Variants in ZNF397 observed in about 807,000 individuals in gnomAD.
ZNF397 encodes the protein zinc finger and SCAN domain-containing protein 15.
Under a neutral mutation model 50.6 loss-of-function variants are expected in ZNF397, and 38 were observed. The ratio of observed to expected loss-of-function variants is 0.75; its 90% CI spans 0.58 to 0.98. The LOEUF (loss-of-function observed/expected upper bound fraction) is 0.98, where lower values mean the gene tolerates loss of function less well. ZNF397 is among the 50% of genes least tolerant of loss of function. The pLI, the probability that ZNF397 is intolerant of heterozygous loss-of-function variation, is 0.00. For missense variants in ZNF397, 624 were observed against 624.1 expected (o/e 1.00, Z 0.00); for synonymous variants, 228 against 215.2 (o/e 1.06, Z -0.52).
At chr18:35,242,281 C>T (rs1312372336) in intron 1 of ZNF397, 110 bp from the exon 2 acceptor site, 1 of 512,190 alleles carries the variant, frequency 2.0e-6, no homozygotes, top group Admixed American at 3.6e-5. Context: ...TTAGTGATAG[C>T]CCCAAATCTA....
chr18:35,242,629 C>T lies in ZNF397; in HGVS notation c.159C>T (p.Phe53=). ...QSCQELFRQQ[F]RKFCYQETPG... is the part of the protein sequence containing the mutation. ...GCCAAGAATTGTTTCGTCAGCAATT[C>T]AGAAAATTTTGCTACCAGGAGACAC... The change falls in exon 2 of 4, where the codon TTC becomes TTT. Residue 53 remains phenylalanine, a synonymous_variant. Coordinates refer to ENST00000330501, the MANE Select transcript of ZNF397 (RefSeq NM_001135178.3). 6.2e-7 allele frequency: 1 copy of T among 1,614,226 alleles called. No individual in the cohort carries two copies. Among genetic ancestry groups the T allele is most frequent in the Non-Finnish European group, 8.5e-7 (1 of 1,180,042 alleles).
chr18:35,241,655 T>A (rs1043642987), intron 1 of ZNF397: 2 of 152,258 alleles, frequency 1.3e-5, no homozygotes, highest in Non-Finnish European at 2.9e-5. Flanking sequence ...TTGCTGCTTT[T>A]GTGTATGTGA....
chr18:35,244,592 C>T lies in ZNF397; in HGVS notation c.557-670C>T, dbSNP rs193128065. 1.8e-4 allele frequency among the ~76,000 whole-genome samples: 28 copies of T among 152,226 alleles called. No homozygotes were observed. The East Asian group carries it at 5.0e-3, about 27-fold the overall frequency. The stretch of plus-strand genomic sequence containing the variant: ...ATTTACCCTAGAATCTAAGAAGGAA[C>T]AGCCACAGAAATCAGGCTAATATCA... On this transcript the variant is annotated intron_variant, in intron 3 of 3. Coordinates refer to ENST00000330501, the MANE Select transcript of ZNF397 (RefSeq NM_001135178.3).
chr18:35,245,259 C>T lies in ZNF397; in HGVS notation c.557-3C>T. 6.3e-7 allele frequency: 1 copy of T among 1,580,976 alleles called. No homozygotes were observed. Among genetic ancestry groups the T allele is most frequent in the Non-Finnish European group, 8.6e-7 (1 of 1,162,700 alleles). ...TCTGTTTTTTTGCTACTTATTGTTTCAGATTGTGAGAACAGTGAAACAGCA... is the reference window on the plus strand; with the variant it reads ...TCTGTTTTTTTGCTACTTATTGTTTTAGATTGTGAGAACAGTGAAACAGCA... On this transcript the variant is annotated splice_region_variant and splice_polypyrimidine_tract_variant and intron_variant, in intron 3 of 3. Transcript: ENST00000330501.
In ZNF397 at chr18:35,249,744, CAAT is replaced by C. The variant is rs1297491735; in HGVS notation, c.*3436_*3438del. The C allele has an allele frequency of 7.8e-6, 1 of 128,466 alleles. No individual in the cohort carries two copies. Among genetic ancestry groups the C allele is most frequent in the Non-Finnish European group, 1.7e-5 (1 of 60,562 alleles). 8.0% of individuals were successfully genotyped at this position (128,466 alleles called of 1,614,324 possible). A position where few individuals can be genotyped will look rare whatever the true frequency, so the allele number is the denominator to read the frequency against. On this transcript the variant is annotated 3_prime_UTR_variant, in exon 4 of 4. Transcript: ENST00000330501. ...ATTGTTAAGTAAAAATATTACAAAACAATATGTACAGTATGATCCTATGTAAAA... is the reference window on the plus strand; with the variant it reads ...ATTGTTAAGTAAAAATATTACAAAACATGTACAGTATGATCCTATGTAAAA...
At chr18:35,250,234 C>T (rs866135993), downstream of ZNF397, among the ~76,000 whole-genome samples, 1 of 152,268 alleles carries the variant, frequency 6.6e-6, no homozygotes, top group Middle Eastern at 3.4e-3. Context: ...TAGCCATAAG[C>T]AAGTCATCTT....
At position 35,245,220 on chromosome 18, in the gene ZNF397, A is replaced by G. The variant is rs187576324; in HGVS notation, c.557-42A>G. 90 of 1,516,040 alleles carry G rather than the reference A, an allele frequency of 5.9e-5. 1 individual carries two copies. In the Admixed American group the frequency reaches 9.7e-4, roughly 16 times the overall value. 93.9% of individuals were successfully genotyped at this position (1,516,040 alleles called of 1,614,324 possible). ...CATGTAGAAAGTTTTGACGGTGACAAGAGAAATGTAATATCTGTTTTTTTG... is the reference window on the plus strand; with the variant it reads ...CATGTAGAAAGTTTTGACGGTGACAGGAGAAATGTAATATCTGTTTTTTTG... On this transcript the variant is annotated intron_variant, in intron 3 of 3. Transcript: ENST00000330501.
exon 6 of ZNF397, chr18:35,257,946 A>G (rs772865643): frequency 2.6e-5 from 20 of 780,922 alleles, no homozygotes; most frequent in Admixed American, 1.9e-4. Flanking sequence ...TGAAGAACAC[A>G]TCGTCAATAA....
Position 35,246,837 on chromosome 18 carries a change from T to A in ZNF397, c.*527T>A. On this transcript the variant is annotated 3_prime_UTR_variant, in exon 4 of 4. Transcript: ENST00000330501. The stretch of plus-strand genomic sequence containing the variant: ...ATTAGATAGGCATGAGAAGAAAGAA[T>A]ATAATTTACCCAAAGGTTATTTTTT... The A allele has an allele frequency of 1.0e-6, 1 of 985,666 alleles. No individual in the cohort carries two copies. Among genetic ancestry groups the A allele is most frequent in the Middle Eastern group, 5.2e-4 (1 of 1,912 alleles). The allele number at this position is 985,666 out of a possible 1,614,324, so 61.1% of individuals were successfully genotyped here. A position where few individuals can be genotyped will look rare whatever the true frequency, so the allele number is the denominator to read the frequency against.
At chr18:35,250,524 A>AGGCG (rs145184871), downstream of ZNF397, among the ~76,000 whole-genome samples, 1 of 2,508 alleles carries the variant, frequency 4.0e-4, no homozygotes, top group African/African-American at 1.3e-3. Flanking sequence ...TGTGCAATTT[A>AGGCG]GTGTACTTAA....
rs1188556231 is a variant in ZNF397, at chr18:35,245,391, C to T, written c.686C>T (p.Ala229Val). ...ESNLVWKQGS[A>V]TGEKLRSPSQ... ...AATTTAGTGTGGAAGCAAGGAAGTG[C>T]TACAGGGGAGAAACTAAGATCTCCT... is the stretch of plus-strand genomic sequence containing the variant. Residue 229 changes from alanine (A) to valine (V), a missense_variant, in exon 4 of 4, where the codon GCT (alanine) becomes GTT (valine). Ala to Val is a moderately conservative substitution (Grantham distance 64). Coordinates refer to ENST00000330501, the MANE Select transcript of ZNF397 (RefSeq NM_001135178.3). 6.3e-7 allele frequency: 1 copy of T among 1,599,050 alleles called. No homozygotes were observed. The highest frequency in any genetic ancestry group is 8.5e-7 in the Non-Finnish European group (1 of 1,172,240).
chr18:35,254,590 A>G, downstream of ZNF397: 1 of 796,586 alleles, frequency 1.3e-6, no homozygotes, highest in South Asian at 1.8e-5. Flanking sequence ...GAAATGAATT[A>G]GTATTGGAGA....
chr18:35,241,843 A>G (rs182372872), intron 1 of ZNF397, among the ~76,000 whole-genome samples: 8 of 152,326 alleles, frequency 5.3e-5, no homozygotes, highest in Admixed American at 4.6e-4. Context: ...AATATCCAAT[A>G]TTTACATCAA....
intron 3 of ZNF397, 140 bp downstream of exon 3, chr18:35,243,433 G>A: frequency 8.2e-7 from 1 of 1,217,572 alleles, no homozygotes; most frequent in South Asian, 1.3e-5. Context: ...CGCTTTAGCG[G>A]CTTTGTATTC....
Position 35,247,303 on chromosome 18 carries a change from T to A in ZNF397, c.*993T>A. On this transcript the variant is annotated 3_prime_UTR_variant, in exon 4 of 4. Coordinates refer to ENST00000330501, the MANE Select transcript of ZNF397 (RefSeq NM_001135178.3). ...TGACCCCAGGGAAAGGGCAAATATG[T>A]GGTTTCCTTGCCCAACCTGTAGGCT... The A allele has an allele frequency of 2.4e-6, 1 of 418,886 alleles. No homozygotes were observed. Among genetic ancestry groups the A allele is most frequent in the Non-Finnish European group, 3.2e-6 (1 of 311,738 alleles). 25.9% of individuals were successfully genotyped at this position (418,886 alleles called of 1,614,324 possible). A position where few individuals can be genotyped will look rare whatever the true frequency, so the allele number is the denominator to read the frequency against.
exon 6 of ZNF397, chr18:35,258,045 T>C (rs758389840): frequency 5.1e-6 from 4 of 777,118 alleles, no homozygotes; most frequent in African/African-American, 1.7e-5. Flanking sequence ...AACTTATAAC[T>C]CAAGGTTGTA....
rs1177909606 is a variant in ZNF397 at position 35,249,672 on chromosome 18, A to G, written c.*3362A>G. The stretch of plus-strand genomic sequence containing the variant: ...TGTCTCAAAAAAAAAAAAAAAAAAA[A>G]AAAAAACACTGATGTCAATTAATAT... On this transcript the variant is annotated 3_prime_UTR_variant, in exon 4 of 4. Transcript: ENST00000330501. 6.7e-6 allele frequency: 1 copy of G among 149,690 alleles called. No individual in the cohort carries two copies. The highest frequency in any genetic ancestry group is 1.5e-5 in the Non-Finnish European group (1 of 67,398). The allele number at this position is 149,690 out of a possible 1,614,324, so 9.3% of individuals were successfully genotyped here. A position where few individuals can be genotyped will look rare whatever the true frequency, so the allele number is the denominator to read the frequency against.
Position 35,243,267 on chromosome 18 carries a change from G to A in ZNF397, c.530G>A (p.Trp177Ter). The A allele has an allele frequency of 6.2e-7, 1 of 1,614,160 alleles. No homozygotes were observed. Among genetic ancestry groups the A allele is most frequent in the Non-Finnish European group, 8.5e-7 (1 of 1,180,036 alleles). Residue 177 changes from tryptophan to a stop codon, truncating the protein, a stop_gained, in exon 3 of 4, where the codon TGG (tryptophan) becomes TAG (stop). Coordinates refer to ENST00000330501, the MANE Select transcript of ZNF397 (RefSeq NM_001135178.3). LOFTEE classifies it high-confidence loss of function. ...CCCTTAAAGACACAGCTGAAATCCT[G>A]GAAACCATGCCTTTCCCCTAAAAGT... Reference protein sequence around the residue: ...LQPLKTQLKSWKPCLSPKSDC... With the variant: ...LQPLKTQLKS
downstream of ZNF397, among the ~76,000 whole-genome samples, chr18:35,250,431 G>C (rs2043558315): frequency 6.6e-6 from 1 of 152,206 alleles, no homozygotes; most frequent in South Asian, 2.1e-4. Flanking sequence ...GCTCAGGGCT[G>C]TCCTGTTTCT....
Sources: gnomAD v4.1 joint callset for allele counts (sites outside exome capture counted in the v4.1 genomes callset) on GRCh38, gnomAD v4.1.1 for gene constraint, MANE v1.5 for transcripts, NCBI Gene and HGNC (gene_info 2026-07-23, HGNC 2026-07-21) for gene names.